The following PRH2 variants were observed in gnomAD, a reference collection of about 807,000 sequenced individuals.
PRH2 encodes salivary acidic proline-rich phosphoprotein 1/2.
PRH2 carries 19 observed loss-of-function variants against 22.6 expected under a neutral mutation model. That is an observed-to-expected ratio of 0.84 (90% CI 0.59 to 1.23). The LOEUF is 1.23. Among genes scored for constraint, PRH2 ranks in the 50% most tolerant of loss-of-function variants. PRH2 has a pLI of 0.00. For missense variants in PRH2, 109 were observed against 203.0 expected, an observed-to-expected ratio of 0.54 and a Z score of 2.81; for synonymous variants, 45 against 72.0, an observed-to-expected ratio of 0.63 and a Z score of 1.90.
intron 1 of PRH2, among the ~76,000 whole-genome samples, chr12:10,929,625 A>G (rs1950174237): frequency 6.6e-6 from 1 of 152,208 alleles, no homozygotes; most frequent in South Asian, 2.1e-4. Context: ...AGAATGCAAG[A>G]CAGATTCAGG....
Position 10,930,697 on chromosome 12 carries a change from C to T in PRH2, c.136C>T (p.Arg46Cys), listed in dbSNP as rs144809253. The change falls in exon 3 of 4, where the codon CGT (arginine) becomes TGT (cysteine). Residue 46 changes from arginine (R) to cysteine (C), a missense_variant. Physicochemically the swap from Arg to Cys is radical, Grantham distance 180. Coordinates refer to ENST00000396400, the MANE Select transcript of PRH2 (RefSeq NM_001110213.1). ...GDSEQFIDEERQGPPLGGQQS... is the reference protein window; with the variant it reads ...GDSEQFIDEECQGPPLGGQQS... The stretch of plus-strand genomic sequence containing the variant: ...CTCTGAGCAGTTCATAGATGAGGAG[C>T]GTCAGGGACCACCTTTGGGAGGACA... 2.0e-5 allele frequency: 33 copies of T among 1,613,720 alleles called. No individual in the cohort carries two copies. Among genetic ancestry groups the T allele is most frequent in the African/African-American group, 1.5e-4 (11 of 74,856 alleles).
In PRH2 at chr12:10,933,664, T is replaced by A. The variant is rs1265951442; in HGVS notation, c.*1457T>A. Among the ~76,000 whole-genome samples the A allele has an allele frequency of 1.3e-5, 2 of 152,072 alleles. No homozygotes were observed. The highest frequency in any genetic ancestry group is 2.4e-5 in the African/African-American group (1 of 41,442). ...CTTTGATAATATTTAATATATTTTT[T>A]AAAAAACAATTCTTGTAAAATACTT... On this transcript the variant is annotated 3_prime_UTR_variant, in exon 4 of 4. Transcript: ENST00000396400.
intron 1 of PRH2, 64 bp downstream of exon 1, chr12:10,929,401 G>C: frequency 3.8e-6 from 6 of 1,596,944 alleles, no homozygotes; most frequent in Non-Finnish European, 5.2e-6. Flanking sequence ...TGCTATAGAG[G>C]GGGAAAGTGG....
intron 1 of PRH2, 152 bp downstream of exon 1, chr12:10,929,489 C>A: frequency 1.1e-6 from 1 of 880,282 alleles, no homozygotes; most frequent in Non-Finnish European, 1.8e-6. Context: ...GTTGTGCCTT[C>A]ATTCCTCATC....
Position 10,932,281 on chromosome 12 carries a change from G to C in PRH2, c.*74G>C, listed in dbSNP as rs1950225052. The C allele has an allele frequency of 2.4e-6, 1 of 409,100 alleles. No individual in the cohort carries two copies. The highest frequency in any genetic ancestry group is 2.4e-5 in the Admixed American group (1 of 41,686). The allele number at this position is 409,100 out of a possible 1,614,324, so 25.3% of individuals were successfully genotyped here. On this transcript the variant is annotated 3_prime_UTR_variant, in exon 4 of 4. Coordinates refer to ENST00000396400, the MANE Select transcript of PRH2 (RefSeq NM_001110213.1). ...ATGCCTTGAAACATAATGTGATCATGCTCTAACTTCAATATACCAATAAAA... is the reference window on the plus strand; with the variant it reads ...ATGCCTTGAAACATAATGTGATCATCCTCTAACTTCAATATACCAATAAAA...
chr12:10,929,706 A>G (rs1565477970), intron 1 of PRH2, among the ~76,000 whole-genome samples: 1 of 152,154 alleles, frequency 6.6e-6, no homozygotes, highest in South Asian at 2.1e-4. Flanking sequence ...TGGACAGTGG[A>G]TGAGTATCCA....
intron 3 of PRH2, among the ~76,000 whole-genome samples, chr12:10,931,999 C>T (rs2135870844): frequency 6.6e-6 from 1 of 152,290 alleles, no homozygotes; most frequent in Admixed American, 6.5e-5. Flanking sequence ...GCATGAACAA[C>T]CTAACAATAA....
At chr12:10,931,917 G>A (rs1300325967) in intron 3 of PRH2, among the ~76,000 whole-genome samples, 1 of 151,860 alleles carries the variant, frequency 6.6e-6, no homozygotes, top group East Asian at 1.9e-4. Flanking sequence ...CTTTCACACT[G>A]TCCCTATTAC....
chr12:10,931,426 A>G (rs138161785), intron 3 of PRH2, among the ~76,000 whole-genome samples: 1 of 152,294 alleles, frequency 6.6e-6, no homozygotes, highest in East Asian at 1.9e-4. Context: ...CTTGTTCAGG[A>G]CAGGCTCAGT....
At chr12:10,930,415 C>T in intron 2 of PRH2, 111 bp downstream of exon 2, 4 of 1,488,098 alleles carry the variant, frequency 2.7e-6, no homozygotes, top group Non-Finnish European at 3.7e-6. Flanking sequence ...AATATCAGTG[C>T]CCCAGAGATA....
chr12:10,932,362 GA>G lies in PRH2; in HGVS notation c.*157del, dbSNP rs1950226258. On this transcript the variant is annotated 3_prime_UTR_variant, in exon 4 of 4. Transcript: ENST00000396400. ...CTCCTTCTGAGTGTTTGGGACTCTGGAATCTGAGACCCATGTTCACATTGTA... is the reference window on the plus strand; with the variant it reads ...CTCCTTCTGAGTGTTTGGGACTCTGGATCTGAGACCCATGTTCACATTGTA... The G allele has an allele frequency of 3.6e-6, 1 of 277,984 alleles. No homozygotes were observed. The highest frequency in any genetic ancestry group is 2.1e-5 in the African/African-American group (1 of 46,820). The allele number at this position is 277,984 out of a possible 1,614,324, so 17.2% of individuals were successfully genotyped here. A position where few individuals can be genotyped will look rare whatever the true frequency, so the allele number is the denominator to read the frequency against.
In PRH2 at chr12:10,930,793, G is replaced by T. The variant is rs1310706856; in HGVS notation, c.232G>T (p.Gly78Cys). The T allele has an allele frequency of 6.2e-7, 1 of 1,610,694 alleles. No homozygotes were observed. ...TCAGCAGGGACCACCCCAACAAGGAGGCCAGCAGCAACAAGGTCCACCACC... is the reference window on the plus strand; with the variant it reads ...TCAGCAGGGACCACCCCAACAAGGATGCCAGCAGCAACAAGGTCCACCACC... ...GPQQGPPQQGGQQQQGPPPPQ... is the reference protein window; with the variant it reads ...GPQQGPPQQGCQQQQGPPPPQ... The change falls in exon 3 of 4, where the codon GGC becomes TGC. Residue 78 changes from glycine (G) to cysteine (C), a missense_variant. Physicochemically the swap from Gly to Cys is radical, Grantham distance 159 (BLOSUM62 -3). Around this residue, in one of 4 missense-constraint regions of PRH2, gnomAD observed 14 missense variants for 31.0 expected, o/e 0.45. Transcript: ENST00000396400.
rs1189198142 is a variant in PRH2 at position 10,929,385 on chromosome 12, G to A, written c.64+48G>A. ...ATTGTGACTCTGATTGGGGTTTACG[G>A]GCGAATGCTATAGAGGGGGAAAGTG... is the stretch of plus-strand genomic sequence containing the variant. On this transcript the variant is annotated intron_variant, in intron 1 of 3. Coordinates refer to ENST00000396400, the MANE Select transcript of PRH2 (RefSeq NM_001110213.1). 3.7e-6 allele frequency: 6 copies of A among 1,610,682 alleles called. No individual in the cohort carries two copies. The South Asian group carries it at 6.6e-5, about 18-fold the overall frequency.
Position 10,932,244 on chromosome 12 carries a change from A to G in PRH2, c.*37A>G, listed in dbSNP as rs1950224325. 2 of 437,044 alleles carry G rather than the reference A, an allele frequency of 4.6e-6. No homozygotes were observed. The highest frequency in any genetic ancestry group is 9.4e-6 in the Non-Finnish European group (2 of 212,140). The allele number at this position is 437,044 out of a possible 1,614,324, so 27.1% of individuals were successfully genotyped here. On this transcript the variant is annotated 3_prime_UTR_variant, in exon 4 of 4. Coordinates refer to ENST00000396400, the MANE Select transcript of PRH2 (RefSeq NM_001110213.1). ...TTTTCAGGAAGTGAATAAGAAGATGACAGTGTTTCAAATGCCTTGAAACAT... is the reference window on the plus strand; with the variant it reads ...TTTTCAGGAAGTGAATAAGAAGATGGCAGTGTTTCAAATGCCTTGAAACAT...
Position 10,930,098 on chromosome 12 carries a change from C to A in PRH2, c.65-171C>A, listed in dbSNP as rs548371682. ...GGTTGACGCTCAGTGTAGTAACAAT[C>A]CTGCTTTCCCTTACATCTTCTTCCA... is the stretch of plus-strand genomic sequence containing the variant. On this transcript the variant is annotated intron_variant, in intron 1 of 3. Transcript: ENST00000396400. Among the ~76,000 whole-genome samples, 156 of 152,230 alleles carry A rather than the reference C, an allele frequency of 1.0e-3. 2 individuals are homozygous for A. The South Asian group carries it at 0.018, about 18-fold the overall frequency.
At chr12:10,929,778 T>C (rs1447499132) in intron 1 of PRH2, among the ~76,000 whole-genome samples, 7 of 152,180 alleles carry the variant, frequency 4.6e-5, no homozygotes, top group African/African-American at 1.7e-4. Context: ...AACACTTGCC[T>C]CTGTCTACAT....
At chr12:10,929,374 T>C (rs1950169434) in intron 1 of PRH2, 37 bp downstream of exon 1, 5 of 1,613,336 alleles carry the variant, frequency 3.1e-6, no homozygotes. Context: ...TGACTCTGAT[T>C]GGGGTTTACG....
chr12:10,930,300 A>G lies in PRH2; in HGVS notation c.96A>G (p.Ile32Met). The G allele has an allele frequency of 6.2e-7, 1 of 1,612,432 alleles. No homozygotes were observed. The highest frequency in any genetic ancestry group is 8.5e-7 in the Non-Finnish European group (1 of 1,178,468). Residue 32 changes from isoleucine to methionine, a missense_variant, in exon 2 of 4, where the codon ATA becomes ATG. Around this residue, in one of 4 missense-constraint regions of PRH2, gnomAD observed 54 missense variants for 60.5 expected, o/e 0.89. Transcript: ENST00000396400. ...DVSQEDVPLV[I>M]SDGGDSEQFI... ...GCCAAGAAGACGTTCCCTTGGTAAT[A>G]TCAGGTAAATCCCAATAAATTCTCA...
In PRH2 at chr12:10,933,992, T is replaced by A. The variant is rs1173448076; in HGVS notation, c.*1785T>A. Among the ~76,000 whole-genome samples the A allele has an allele frequency of 6.6e-6, 1 of 152,164 alleles. No individual in the cohort carries two copies. The highest frequency in any genetic ancestry group is 1.5e-5 in the Non-Finnish European group (1 of 67,992). ...AAAAGGAAAGGAAGGAAAACCATTG[T>A]AATTAAAATAAAATTTAATACAATA... On this transcript the variant is annotated 3_prime_UTR_variant, in exon 4 of 4. Transcript: ENST00000396400.
Sources: allele counts gnomAD v4.1 joint callset (sites outside exome capture counted in the v4.1 genomes callset), GRCh38; gene constraint gnomAD v4.1.1; regional missense constraint gnomAD v4.1.1; transcripts MANE v1.5; gene names NCBI Gene and HGNC (gene_info 2026-07-23, HGNC 2026-07-21).